The following CTNND2 variants were observed in gnomAD, a reference collection of about 807,000 sequenced individuals.
CTNND2 encodes catenin delta 2.
In CTNND2, 22 loss-of-function variants were observed where a neutral mutation model predicts 144.4. The ratio of observed to expected loss-of-function variants is 0.15; its 90% CI spans 0.11 to 0.22. The LOEUF (loss-of-function observed/expected upper bound fraction) is 0.22, where lower values mean the gene tolerates loss of function less well. CTNND2 is among the 10% of genes least tolerant of loss of function. CTNND2 has a pLI of 1.00. For missense variants in CTNND2, 1,353 were observed against 1,618.8 expected, an observed-to-expected ratio of 0.84 and a Z score of 2.82; for synonymous variants, 751 against 695.6, an observed-to-expected ratio of 1.08 and a Z score of -1.25.
intron 3 of CTNND2, among the ~76,000 whole-genome samples, chr5:11,495,548 C>A (rs1207023367): frequency 6.6e-6 from 1 of 152,186 alleles, no homozygotes; most frequent in Non-Finnish European, 1.5e-5. Context: ...CAACCTTGAA[C>A]TGCCCTTGAG....
chr5:11,523,250 T>A (rs1317847949), intron 3 of CTNND2, among the ~76,000 whole-genome samples: 1 of 152,232 alleles, frequency 6.6e-6, no homozygotes, highest in Admixed American at 6.5e-5. Flanking sequence ...GGAAGCACAA[T>A]AATGTTATTT....
At chr5:11,448,659 T>A (rs1341894569) in intron 3 of CTNND2, among the ~76,000 whole-genome samples, 4 of 152,168 alleles carry the variant, frequency 2.6e-5, no homozygotes, top group African/African-American at 7.2e-5. Flanking sequence ...GTTTACATTA[T>A]TCTCTTGCCT....
intron 1 of CTNND2, among the ~76,000 whole-genome samples, chr5:11,871,072 G>C (rs535504260): frequency 6.6e-6 from 1 of 152,286 alleles, no homozygotes; most frequent in Non-Finnish European, 1.5e-5. Context: ...TGCAAGAAGA[G>C]GCCAGAGAGT....
chr5:11,216,227 C>G (rs377673927), intron 10 of CTNND2, among the ~76,000 whole-genome samples: 10 of 152,182 alleles, frequency 6.6e-5, no homozygotes, highest in Admixed American at 2.0e-4. Context: ...AATGCCCCCC[C>G]ACCGCCACCC....
At chr5:11,296,446 C>T (rs1438582925) in intron 9 of CTNND2, among the ~76,000 whole-genome samples, 2 of 152,150 alleles carry the variant, frequency 1.3e-5, no homozygotes, top group Non-Finnish European at 2.9e-5. Flanking sequence ...TGATCTAGAA[C>T]TAGAAATACC....
intron 11 of CTNND2, among the ~76,000 whole-genome samples, chr5:11,197,634 G>C (rs112110849): frequency 1.3e-5 from 2 of 152,166 alleles, no homozygotes; most frequent in African/African-American, 4.8e-5. Flanking sequence ...CCAGGCACAC[G>C]TGAACGGCCG....
chr5:11,029,295 AT>A (rs1743199564), intron 16 of CTNND2, among the ~76,000 whole-genome samples: 2 of 152,210 alleles, frequency 1.3e-5, no homozygotes, highest in African/African-American at 2.4e-5. Context: ...GTAATTACTC[AT>A]AAAAAGGGTC....
intron 15 of CTNND2, among the ~76,000 whole-genome samples, chr5:11,083,221 A>T (rs1422325296): frequency 6.6e-6 from 1 of 152,234 alleles, no homozygotes; most frequent in Non-Finnish European, 1.5e-5. Context: ...ACCCTGAAAA[A>T]GTAGAAAATG....
intron 11 of CTNND2, 38 bp from the exon 12 acceptor site, chr5:11,159,797 C>A (rs375362836): frequency 1.3e-6 from 2 of 1,491,454 alleles, no homozygotes; most frequent in South Asian, 1.4e-5. Flanking sequence ...TGGGTGGCCA[C>A]AAGTTTTTCT....
chr5:11,672,014 G>C (rs12716085), intron 2 of CTNND2, among the ~76,000 whole-genome samples: 15,637 of 152,188 alleles, frequency 0.1, 971 homozygotes, highest in African/African-American at 0.16. Context: ...CTCTTTGTTA[G>C]TTTTCCTTCT....
chr5:11,695,254 C>T (rs1198487169), intron 2 of CTNND2, among the ~76,000 whole-genome samples: 1 of 152,166 alleles, frequency 6.6e-6, no homozygotes, highest in Admixed American at 6.5e-5. Flanking sequence ...TATCTTGTCA[C>T]ATTGCTTATT....
intron 9 of CTNND2, among the ~76,000 whole-genome samples, chr5:11,245,925 C>A (rs1471097213): frequency 6.6e-6 from 1 of 152,240 alleles, no homozygotes; most frequent in African/African-American, 2.4e-5. Context: ...GACTTTCTGA[C>A]CACCTCTCGT....
intron 15 of CTNND2, among the ~76,000 whole-genome samples, chr5:11,090,461 G>A (rs1397111221): frequency 6.6e-6 from 1 of 152,208 alleles, no homozygotes; most frequent in East Asian, 1.9e-4. Context: ...GGAGTTGAGT[G>A]GTAGGTGAGT....
chr5:11,646,336 C>T (rs984289841), intron 2 of CTNND2, among the ~76,000 whole-genome samples: 1 of 152,138 alleles, frequency 6.6e-6, no homozygotes, highest in African/African-American at 2.4e-5. Flanking sequence ...AAAAATGAGG[C>T]TTAGAGAGAT....
intron 9 of CTNND2, among the ~76,000 whole-genome samples, chr5:11,310,783 T>C (rs1177286236): frequency 6.8e-6 from 1 of 147,556 alleles, no homozygotes; most frequent in African/African-American, 2.5e-5. Context: ...CACTCTCACA[T>C]ACACACTCCC....
intron 15 of CTNND2, among the ~76,000 whole-genome samples, chr5:11,088,449 C>T (rs1450272952): frequency 1.3e-5 from 2 of 152,164 alleles, no homozygotes; most frequent in African/African-American, 2.4e-5. Flanking sequence ...AAAATTAATT[C>T]AGTTGTTTCT....
chr5:11,703,312 G>A (rs1305602176), intron 2 of CTNND2, among the ~76,000 whole-genome samples: 1 of 152,196 alleles, frequency 6.6e-6, no homozygotes, highest in East Asian at 1.9e-4. Flanking sequence ...TCAGGAGATA[G>A]CAACCACCAT....
rs373010050 is a variant in CTNND2 at position 10,981,672 on chromosome 5, GTTCT to G, written c.3417+97_3417+100del. The G allele has an allele frequency of 3.7e-3, 4,401 of 1,188,756 alleles. 18 individuals carry two copies. Among genetic ancestry groups the G allele is most frequent in the Non-Finnish European group, 4.5e-3 (3,646 of 809,670 alleles). The allele number at this position is 1,188,756 out of a possible 1,614,324, so 73.6% of individuals were successfully genotyped here. ...TCAGGGGACGTTGCCTTCTTTTTCA[GTTCT>G]TTATGTATGTTGGATGAAAGTTTAT... On this transcript the variant is annotated intron_variant, in intron 21 of 21. Coordinates refer to ENST00000304623, the MANE Select transcript of CTNND2 (RefSeq NM_001332.4).
At chr5:11,887,498 T>C (rs1327565537) in intron 1 of CTNND2, among the ~76,000 whole-genome samples, 11 of 144,652 alleles carry the variant, frequency 7.6e-5, no homozygotes, top group South Asian at 4.3e-4. Flanking sequence ...TTTAAAAACT[T>C]TGAGCAAGCA....
Sources: gnomAD v4.1 joint callset for allele counts (sites outside exome capture counted in the v4.1 genomes callset) on GRCh38, gnomAD v4.1.1 for gene constraint, MANE v1.5 for transcripts, NCBI Gene and HGNC (gene_info 2026-07-23, HGNC 2026-07-21) for gene names.